Variants in DMD observed in about 807,000 individuals in gnomAD.
DMD encodes the protein mutant dystrophin.
Under a neutral mutation model 330.1 loss-of-function variants are expected in DMD, and 63 were observed. The observed-to-expected ratio is 0.19, with a 90% confidence interval of 0.16 to 0.24. The LOEUF is 0.24. Ranked by LOEUF, DMD falls within the 10% of genes least tolerant of loss-of-function variation. The pLI is 1.00. For synonymous variants in DMD, 1,223 were observed against 959.8 expected (o/e 1.27, Z -5.07); for missense variants, 3,344 against 2,684.1 (o/e 1.25, Z -5.43).
chrX:33,102,672 G>T (rs1225700711), intron 1 of DMD, among the ~76,000 whole-genome samples: 4 of 111,084 alleles, frequency 3.6e-5, no homozygotes, highest in Admixed American at 9.6e-5. Context: ...TACCATACTT[G>T]GTATATTATT....
intron 19 of DMD, among the ~76,000 whole-genome samples, chrX:32,494,564 G>A (rs188932164): frequency 9.0e-6 from 1 of 110,632 alleles, no homozygotes; most frequent in African/African-American, 3.3e-5. Context: ...AAATAGAATC[G>A]ACCTCATAGG....
At chrX:32,514,931 C>A (rs752318363) in intron 18 of DMD, among the ~76,000 whole-genome samples, 35 of 111,430 alleles carry the variant, frequency 3.1e-4, no homozygotes, top group African/African-American at 1.1e-3. Flanking sequence ...AATCTACTAA[C>A]CTAGTGCCAA....
In DMD at chrX:32,699,301, C is replaced by A. The variant is rs772590878; in HGVS notation, c.650-8G>T. 1.7e-6 allele frequency: 2 copies of A among 1,180,768 alleles called. No individual in the cohort carries two copies. Among genetic ancestry groups the A allele is most frequent in the East Asian group, 5.9e-5 (2 of 33,673 alleles). Reference sequence around the variant, plus strand: ...GATAGGTGGTATCAACATCTGTAAGCACATTAACACTACACATCAATTTTT... The same window carrying A: ...GATAGGTGGTATCAACATCTGTAAGAACATTAACACTACACATCAATTTTT... On this transcript the variant is annotated splice_polypyrimidine_tract_variant and splice_region_variant and intron_variant, in intron 7 of 78. Transcript: ENST00000357033.
chrX:33,173,670 T>C (rs1190176779), intron 1 of DMD, among the ~76,000 whole-genome samples: 2 of 111,175 alleles, frequency 1.8e-5, no homozygotes, highest in Non-Finnish European at 3.8e-5. Context: ...ATAACATTAT[T>C]ACTGGAATTC....
At chrX:32,404,265 T>A (rs1259263354) in intron 30 of DMD, among the ~76,000 whole-genome samples, 1 of 111,789 alleles carries the variant, frequency 8.9e-6, no homozygotes, top group African/African-American at 3.2e-5. Context: ...TGTACTCACA[T>A]TGTTAATGGG....
chrX:32,472,695 A>G (rs2040789815), intron 21 of DMD, among the ~76,000 whole-genome samples: 1 of 110,643 alleles, frequency 9.0e-6, no homozygotes, highest in African/African-American at 3.3e-5. Context: ...CTGAAAGGCT[A>G]CTCTCTCTCA....
intron 1 of DMD, among the ~76,000 whole-genome samples, chrX:33,065,132 G>A (rs2094634973): frequency 1.8e-5 from 2 of 111,095 alleles, no homozygotes; most frequent in Non-Finnish European, 3.8e-5. Context: ...AGATGATGAG[G>A]CAAATTGGTG....
intron 44 of DMD, among the ~76,000 whole-genome samples, chrX:32,094,688 A>ACACAATCTCCAGTGT (rs1383709045): frequency 8.9e-6 from 1 of 111,950 alleles, no homozygotes; most frequent in African/African-American, 3.2e-5. Flanking sequence ...ACCAAGAAAT[A>ACACAATCTCCAGTGT]ATTATTGGTT....
At chrX:31,723,557 C>T (rs73619007) in intron 52 of DMD, among the ~76,000 whole-genome samples, 3,020 of 107,670 alleles carry the variant, frequency 0.028, 129 homozygotes, top group African/African-American at 0.097. Context: ...ATGGTCACTG[C>T]TCCAGCTTGG....
At chrX:31,497,390 C>T (rs1454649931) in intron 56 of DMD, among the ~76,000 whole-genome samples, 1 of 111,774 alleles carries the variant, frequency 8.9e-6, no homozygotes, top group Non-Finnish European at 1.9e-5. Flanking sequence ...CCTAGGCAGC[C>T]TTTTCCATTG....
chrX:32,920,214 A>C (rs888225730), intron 2 of DMD, among the ~76,000 whole-genome samples: 1 of 111,659 alleles, frequency 9.0e-6, no homozygotes, highest in Non-Finnish European at 1.9e-5. Flanking sequence ...ACAGTATCTA[A>C]CCCAAGTATT....
At position 32,042,004 on chromosome X, in the gene DMD, CCT is replaced by C. The variant is rs745438310; in HGVS notation, c.6439-73492_6439-73491del. Among the ~76,000 whole-genome samples, 664 of 70,344 alleles carry C rather than the reference CCT, an allele frequency of 9.4e-3. 4 individuals are homozygous for C. Among genetic ancestry groups the C allele is most frequent in the Non-Finnish European group, 0.013 (486 of 37,440 alleles). The allele number at this position is 70,344 out of a possible 115,157, so 61.1% of individuals were successfully genotyped here. A position where few individuals can be genotyped will look rare whatever the true frequency, so the allele number is the denominator to read the frequency against. On this transcript the variant is annotated intron_variant, in intron 44 of 78. Coordinates refer to ENST00000357033, the MANE Select transcript of DMD (RefSeq NM_004006.3). ...GCTTCCCTCCCTCTCTCCCTTCCTC[CCT>C]CTCTCTCTCTCTCTCTGTTCATATA...
chrX:32,601,057 A>G lies in DMD; in HGVS notation c.1483-5181T>C, dbSNP rs760969331. Among the ~76,000 whole-genome samples the G allele has an allele frequency of 6.3e-5, 7 of 110,374 alleles. No homozygotes were observed. The East Asian group carries it at 2.0e-3, about 32-fold the overall frequency. ...GGGTGGTAGGTAATTTATTTTTTTC[A>G]CTCTTTTCCTCTATGCCCCATTCCT... On this transcript the variant is annotated intron_variant, in intron 12 of 78. Transcript: ENST00000357033.
At chrX:31,214,920 T>C (rs1284213297) in intron 64 of DMD, among the ~76,000 whole-genome samples, 1 of 88,366 alleles carries the variant, frequency 1.1e-5, no homozygotes, top group Non-Finnish European at 2.2e-5. Context: ...CCAAAGATAC[T>C]TTTTTATTTC....
chrX:31,368,842 C>T (rs1304474912), intron 60 of DMD, among the ~76,000 whole-genome samples: 2 of 111,033 alleles, frequency 1.8e-5, no homozygotes, highest in African/African-American at 6.6e-5. Context: ...GACAGGGTTT[C>T]ACCATGTTGG....
At chrX:31,800,419 G>T (rs5972447) in intron 50 of DMD, among the ~76,000 whole-genome samples, 39,500 of 111,305 alleles carry the variant, frequency 0.35, 4,898 homozygotes, top group East Asian at 0.6. Context: ...TGGCTTCTTT[G>T]AGCCACAGCT....
intron 42 of DMD, among the ~76,000 whole-genome samples, chrX:32,306,433 C>T (rs1003592428): frequency 9.9e-5 from 11 of 110,941 alleles, no homozygotes; most frequent in African/African-American, 3.3e-4. Flanking sequence ...GTCTCTATTT[C>T]TTGATCCTAT....
chrX:32,802,602 G>A (rs2076659141), intron 7 of DMD, among the ~76,000 whole-genome samples: 1 of 111,526 alleles, frequency 9.0e-6, no homozygotes, highest in Non-Finnish European at 1.9e-5. Flanking sequence ...GTATGATATT[G>A]GCTGTGGGTA....
intron 44 of DMD, among the ~76,000 whole-genome samples, chrX:32,122,932 A>C (rs1204911241): frequency 9.1e-6 from 1 of 109,709 alleles, no homozygotes; most frequent in East Asian, 2.9e-4. Context: ...CACTAAGTTT[A>C]GCCAGACTTC....
Sources: allele counts gnomAD v4.1 joint callset (sites outside exome capture counted in the v4.1 genomes callset), GRCh38; gene constraint gnomAD v4.1.1; transcripts MANE v1.5; gene names NCBI Gene and HGNC (gene_info 2026-07-23, HGNC 2026-07-21).